Variants in WDR41 observed in about 807,000 individuals in gnomAD.
WDR41 encodes WD repeat-containing protein 41.
Under a neutral mutation model 69.3 loss-of-function variants are expected in WDR41, and 63 were observed. The ratio of observed to expected loss-of-function variants is 0.91; its 90% confidence interval spans 0.74 to 1.12. The LOEUF is 1.12. Among genes scored for constraint, WDR41 ranks in the 50% most tolerant of loss-of-function variants. WDR41 has a pLI of 0.00. For synonymous variants in WDR41, 185 were observed against 192.1 expected, an observed-to-expected ratio of 0.96 and a Z score of 0.31; for missense variants, 543 against 534.5, an observed-to-expected ratio of 1.02 and a Z score of -0.16.
chr5:77,528,640 A>G (rs759424296), intron 1 of WDR41, among the ~76,000 whole-genome samples: 9 of 151,758 alleles, frequency 5.9e-5, no homozygotes, highest in Non-Finnish European at 7.4e-5. Flanking sequence ...AACATAAAAT[A>G]TTAGCAAGTA....
intron 1 of WDR41, among the ~76,000 whole-genome samples, chr5:77,522,368 G>A (rs1203379667): frequency 3.9e-5 from 6 of 152,216 alleles, no homozygotes; most frequent in African/African-American, 9.6e-5. Context: ...GAGGCCGGGC[G>A]TGGTGGCTTA....
At chr5:77,517,311 A>C (rs1373787089) in intron 1 of WDR41, among the ~76,000 whole-genome samples, 2 of 152,116 alleles carry the variant, frequency 1.3e-5, no homozygotes, top group Non-Finnish European at 2.9e-5. Context: ...TTCATCTTTA[A>C]ACATCACAAA....
chr5:77,600,593 T>G (rs1580045226), intron 1 of WDR41, among the ~76,000 whole-genome samples: 1 of 152,082 alleles, frequency 6.6e-6, no homozygotes, highest in African/African-American at 2.4e-5. Flanking sequence ...AAATTTCACA[T>G]AGTTGAGGCC....
At chr5:77,465,136 C>T (rs1800247906) in intron 2 of WDR41, among the ~76,000 whole-genome samples, 1 of 152,052 alleles carries the variant, frequency 6.6e-6, no homozygotes, top group African/African-American at 2.4e-5. Flanking sequence ...TGACAAGTGC[C>T]TTCAGTGACA....
At chr5:77,513,383 A>G (rs946668740) in intron 1 of WDR41, among the ~76,000 whole-genome samples, 4 of 152,204 alleles carry the variant, frequency 2.6e-5, no homozygotes, top group Admixed American at 6.5e-5. Flanking sequence ...TTAAACTGAA[A>G]AAGAAAATCT....
intron 1 of WDR41, among the ~76,000 whole-genome samples, chr5:77,561,742 T>A (rs1743528427): frequency 6.6e-6 from 1 of 152,156 alleles, no homozygotes; most frequent in Non-Finnish European, 1.5e-5. Context: ...AATGACATAC[T>A]TTTCAAAGCA....
At chr5:77,557,015 C>T (rs1416230324) in intron 1 of WDR41, among the ~76,000 whole-genome samples, 1 of 151,968 alleles carries the variant, frequency 6.6e-6, no homozygotes, top group East Asian at 1.9e-4. Flanking sequence ...TGTTGGTAGT[C>T]AAACATCAAA....
chr5:77,433,348 A>C lies in WDR41; in HGVS notation c.1228-61T>G. ...GAAAAGCAGAGAAGTGTCTAATACC[A>C]CATTAACACATGTGCGTGTGAGATA... On this transcript the variant is annotated intron_variant, in intron 12 of 12. Transcript: ENST00000296679. The C allele has an allele frequency of 3.4e-6, 5 of 1,483,882 alleles. No homozygotes were observed. The South Asian group carries it at 3.9e-5, about 12-fold the overall frequency. 91.9% of individuals were successfully genotyped at this position (1,483,882 alleles called of 1,614,324 possible).
In WDR41 at chr5:77,432,946, A is replaced by G; in HGVS notation, c.*189T>C. ...GAAAAACTTGTGGTATATTCTTTGG[A>G]GGATATACTAGGACCTGAGAAGCAA... On this transcript the variant is annotated 3_prime_UTR_variant, in exon 13 of 13. Coordinates refer to ENST00000296679, the MANE Select transcript of WDR41 (RefSeq NM_018268.4). The G allele has an allele frequency of 1.8e-6, 1 of 545,596 alleles. No individual in the cohort carries two copies. The highest frequency in any genetic ancestry group is 3.1e-6 in the Non-Finnish European group (1 of 319,828). The allele number at this position is 545,596 out of a possible 1,614,324, so 33.8% of individuals were successfully genotyped here.
intron 1 of WDR41, among the ~76,000 whole-genome samples, chr5:77,552,768 G>A: frequency 6.6e-6 from 1 of 152,012 alleles, no homozygotes; most frequent in East Asian, 1.9e-4. Flanking sequence ...ACTTGACAAA[G>A]GTGCAAAACC....
intron 8 of WDR41, among the ~76,000 whole-genome samples, chr5:77,443,876 CTTTTTTTTTTT>C (rs746105630): frequency 9.5e-6 from 1 of 105,006 alleles, no homozygotes; most frequent in South Asian, 3.3e-4. Context: ...TCAATCAGCA[CTTTTTTTTTTT>C]TTTTTTTTTT....
intron 1 of WDR41, among the ~76,000 whole-genome samples, chr5:77,620,151 A>G (rs1744753550): frequency 6.6e-6 from 1 of 152,154 alleles, no homozygotes; most frequent in Non-Finnish European, 1.5e-5. Flanking sequence ...CCAAACAATT[A>G]AAGTAGATTC....
chr5:77,577,500 G>A (rs115418060), intron 1 of WDR41, among the ~76,000 whole-genome samples: 4,108 of 151,986 alleles, frequency 0.027, 164 homozygotes, highest in African/African-American at 0.09. Context: ...TATTAGTTCC[G>A]ATAACACAAA....
At chr5:77,458,871 A>C (rs1221057834) in intron 5 of WDR41, 191 bp downstream of exon 5, 2 of 425,890 alleles carry the variant, frequency 4.7e-6, no homozygotes, top group African/African-American at 4.1e-5. Context: ...CTCTAATTTC[A>C]AATTGAAACA....
At chr5:77,479,335 A>T (rs971408264) in intron 2 of WDR41, among the ~76,000 whole-genome samples, 3 of 152,044 alleles carry the variant, frequency 2.0e-5, no homozygotes, top group African/African-American at 7.3e-5. Context: ...TAAAGTTCAT[A>T]TGGAACCAAA....
intron 2 of WDR41, among the ~76,000 whole-genome samples, chr5:77,470,493 A>C (rs555814281): frequency 6.6e-6 from 1 of 152,310 alleles, no homozygotes; most frequent in South Asian, 2.1e-4. Context: ...CAAATTGGAT[A>C]AAGAGTCAAG....
Position 77,432,959 on chromosome 5 carries a change from A to T in WDR41, c.*176T>A. 3.2e-6 allele frequency: 2 copies of T among 618,648 alleles called. No homozygotes were observed. The highest frequency in any genetic ancestry group is 2.4e-5 in the South Asian group (1 of 42,070). The allele number at this position is 618,648 out of a possible 1,614,324, so 38.3% of individuals were successfully genotyped here. On this transcript the variant is annotated 3_prime_UTR_variant, in exon 13 of 13. Transcript: ENST00000296679. ...TATATTCTTTGGAGGATATACTAGG[A>T]CCTGAGAAGCAACATGTTCCTGGTT...
intron 1 of WDR41, among the ~76,000 whole-genome samples, chr5:77,563,113 G>T (rs1743555143): frequency 6.6e-6 from 1 of 152,038 alleles, no homozygotes. Context: ...ATGAATGAAT[G>T]ATAAATGCAT....
chr5:77,488,913 G>A (rs1022321461), intron 2 of WDR41, among the ~76,000 whole-genome samples: 1 of 152,040 alleles, frequency 6.6e-6, no homozygotes, highest in Admixed American at 6.6e-5. Flanking sequence ...ATCAGTAATA[G>A]TCTACAGTCC....
Sources: allele counts gnomAD v4.1 joint callset (sites outside exome capture counted in the v4.1 genomes callset), GRCh38; gene constraint gnomAD v4.1.1; transcripts MANE v1.5; gene names NCBI Gene and HGNC (gene_info 2026-07-23, HGNC 2026-07-21).